The following GREM2 variants were observed in gnomAD, a reference collection of about 807,000 sequenced individuals.
GREM2 encodes gremlin 2, DAN family BMP antagonist, also known as gremlin-2.
GREM2 carries 11 observed loss-of-function variants against 14.2 expected under a neutral mutation model. That is an observed-to-expected ratio of 0.78 (90% CI 0.49 to 1.28). GREM2 has a LOEUF of 1.28. GREM2 is among the 50% of genes most tolerant of loss of function. The probability of loss-of-function intolerance (pLI) is 0.00; values close to 1 mark genes in which losing one functional copy is unlikely to be tolerated. For missense variants in GREM2, 210 were observed against 218.5 expected (o/e 0.96, Z 0.24); for synonymous variants, 98 against 97.6 (o/e 1.00, Z -0.02).
intron 1 of GREM2, among the ~76,000 whole-genome samples, chr1:240,595,433 C>T (rs1196944614): frequency 6.6e-6 from 1 of 152,170 alleles, no homozygotes; most frequent in Non-Finnish European, 1.5e-5. Flanking sequence ...CCCCATGCAC[C>T]CTTTCCTGCA....
intron 1 of GREM2, among the ~76,000 whole-genome samples, chr1:240,591,402 C>T (rs767241180): frequency 9.2e-5 from 14 of 152,230 alleles, no homozygotes; most frequent in Admixed American, 3.9e-4. Context: ...AAAGAGGTTA[C>T]GTAGCTTAGA....
At chr1:240,550,899 G>C (rs77050730) in intron 1 of GREM2, among the ~76,000 whole-genome samples, 2,317 of 152,120 alleles carry the variant, frequency 0.015, 30 homozygotes, top group Non-Finnish European at 0.026. Context: ...TACACCCTTC[G>C]TTATTTAGAC....
chr1:240,523,546 CT>C (rs1678151679), intron 1 of GREM2, among the ~76,000 whole-genome samples: 1 of 152,042 alleles, frequency 6.6e-6, no homozygotes. Flanking sequence ...AGTGTTCTCA[CT>C]GTTTTTTTTT....
At position 240,489,589 on chromosome 1, in the gene GREM2, A is replaced by G. The variant is rs9728353; in HGVS notation, c.*3380T>C. The G allele has an allele frequency of 0.24, 36,064 of 152,204 alleles. 4,862 individuals carry two copies. Among genetic ancestry groups the G allele is most frequent in the African/African-American group, 0.36 (14,995 of 41,508 alleles). The allele number at this position is 152,204 out of a possible 1,614,324, so 9.4% of individuals were successfully genotyped here. ...TAAGACATCTTAGGCTGCTCTGCCTATGAAGTAGGCATTCTTTATTCCTTT... is the reference window on the plus strand; with the variant it reads ...TAAGACATCTTAGGCTGCTCTGCCTGTGAAGTAGGCATTCTTTATTCCTTT... On this transcript the variant is annotated 3_prime_UTR_variant, in exon 2 of 2. Coordinates refer to ENST00000318160, the MANE Select transcript of GREM2 (RefSeq NM_022469.4).
chr1:240,602,252 C>A (rs1558180069), intron 1 of GREM2, among the ~76,000 whole-genome samples: 3 of 152,260 alleles, frequency 2.0e-5, no homozygotes, highest in East Asian at 3.9e-4. Context: ...TAACAGAATT[C>A]TTTTCTGAGG....
intron 1 of GREM2, among the ~76,000 whole-genome samples, chr1:240,558,722 A>G (rs1240263893): frequency 6.6e-6 from 1 of 152,132 alleles, no homozygotes; most frequent in Non-Finnish European, 1.5e-5. Context: ...TAAAAAATTG[A>G]TAAGAACCTC....
chr1:240,601,607 T>C (rs1045401734), intron 1 of GREM2, among the ~76,000 whole-genome samples: 7 of 152,176 alleles, frequency 4.6e-5, no homozygotes, highest in Non-Finnish European at 8.8e-5. Context: ...CAAAAGCTTA[T>C]TAAGATATTG....
chr1:240,567,624 C>A (rs1004873705), intron 1 of GREM2, among the ~76,000 whole-genome samples: 9 of 152,024 alleles, frequency 5.9e-5, no homozygotes, highest in African/African-American at 2.2e-4. Context: ...TGAAAGAATT[C>A]ATCAATAGTA....
intron 1 of GREM2, among the ~76,000 whole-genome samples, chr1:240,547,445 A>C (rs922956783): frequency 1.3e-5 from 2 of 149,502 alleles, no homozygotes; most frequent in Non-Finnish European, 3.0e-5. Context: ...GGTTGCAGTG[A>C]GCCGAAATCA....
chr1:240,601,129 A>G (rs1419507632), intron 1 of GREM2, among the ~76,000 whole-genome samples: 1 of 152,212 alleles, frequency 6.6e-6, no homozygotes, highest in East Asian at 1.9e-4. Context: ...CCAATTCACT[A>G]ATATCAAAAG....
rs1427261074 is a variant in GREM2, at chr1:240,542,663, A to AT, written c.-1-49188dup. Reference sequence around the variant, plus strand: ...ATAAAAATTTCTAAAGAGCTGATATATTTTTCTCAGAAGGCTTGATCACAC... The same window carrying AT: ...ATAAAAATTTCTAAAGAGCTGATATATTTTTTCTCAGAAGGCTTGATCACAC... On this transcript the variant is annotated intron_variant, in intron 1 of 1. Transcript: ENST00000318160. This position sits in a 1 kb window ranked among gnomAD's most constrained non-coding sequence, Gnocchi z 4.1. Among the ~76,000 whole-genome samples, 2 of 151,766 alleles carry AT rather than the reference A, an allele frequency of 1.3e-5. No individual in the cohort carries two copies. Among genetic ancestry groups the AT allele is most frequent in the Non-Finnish European group, 2.9e-5 (2 of 67,944 alleles).
intron 1 of GREM2, among the ~76,000 whole-genome samples, chr1:240,552,847 T>C (rs1157013349): frequency 6.6e-6 from 1 of 152,226 alleles, no homozygotes; most frequent in Non-Finnish European, 1.5e-5. Context: ...AAACATTCTT[T>C]CTAATTATTA....
chr1:240,599,059 A>T (rs915589208), intron 1 of GREM2, among the ~76,000 whole-genome samples: 4 of 152,090 alleles, frequency 2.6e-5, no homozygotes, highest in Non-Finnish European at 5.9e-5. Context: ...ACTCGAGGTC[A>T]GGAGTTTGAG....
chr1:240,508,495 T>G (rs1422694900), intron 1 of GREM2, among the ~76,000 whole-genome samples: 1 of 152,200 alleles, frequency 6.6e-6, no homozygotes, highest in East Asian at 1.9e-4. Context: ...ACTGTTTAGA[T>G]CTTTCCTAGG....
chr1:240,543,707 G>C lies in GREM2; in HGVS notation c.-1-50231C>G, dbSNP rs1678651558. On this transcript the variant is annotated intron_variant, in intron 1 of 1. Coordinates refer to ENST00000318160, the MANE Select transcript of GREM2 (RefSeq NM_022469.4). The surrounding 1 kb of genome is among the most constrained non-coding windows in gnomAD (Gnocchi z 6.4). ...ATGTAAACACAAAATATATCATCAA[G>C]GGCAACTTACTATATTAAACCTACC... 6.6e-6 allele frequency among the ~76,000 whole-genome samples: 1 copy of C among 152,058 alleles called. No individual in the cohort carries two copies. The highest frequency in any genetic ancestry group is 1.5e-5 in the Non-Finnish European group (1 of 67,992).
intron 1 of GREM2, among the ~76,000 whole-genome samples, chr1:240,583,352 A>G (rs1172893862): frequency 6.6e-6 from 1 of 152,228 alleles, no homozygotes; most frequent in South Asian, 2.1e-4. Flanking sequence ...TAAAGATGTG[A>G]CAGATAGCTA....
intron 1 of GREM2, chr1:240,588,708 CAA>C (rs1679648903): frequency 6.6e-6 from 1 of 152,132 alleles, no homozygotes; most frequent in Non-Finnish European, 1.5e-5. Flanking sequence ...ACTAATATGT[CAA>C]AAGTGAAGTT....
intron 1 of GREM2, among the ~76,000 whole-genome samples, chr1:240,606,818 A>T (rs1309014290): frequency 1.3e-5 from 2 of 151,798 alleles, no homozygotes; most frequent in Non-Finnish European, 2.9e-5. Flanking sequence ...AGCTGGGATT[A>T]CAGGCGTGCA....
chr1:240,562,932 G>C (rs1462332478), intron 1 of GREM2, among the ~76,000 whole-genome samples: 1 of 144,076 alleles, frequency 6.9e-6, no homozygotes, highest in African/African-American at 2.8e-5. Context: ...ATGTGTATGT[G>C]TGTGAGTGTG....
Sources: gnomAD v4.1 joint callset for allele counts (sites outside exome capture counted in the v4.1 genomes callset) on GRCh38, gnomAD v4.1.1 for gene constraint, Gnocchi (gnomAD v3.1) non-coding constraint, MANE v1.5 for transcripts, NCBI Gene and HGNC (gene_info 2026-07-23, HGNC 2026-07-21) for gene names.